Variants in CELF5 observed in about 807,000 individuals in gnomAD.
CELF5 encodes the protein CUGBP Elav-like family member 5, also known as CUG-BP and ETR-3 like factor 5.
A neutral mutation model predicts 54.9 loss-of-function variants in CELF5; 6 were observed. The observed-to-expected ratio is 0.11, with a 90% confidence interval of 0.06 to 0.22. The LOEUF is 0.22. Among genes scored for constraint, CELF5 ranks in the 10% least tolerant of loss-of-function variants. CELF5 has a pLI of 1.00. For synonymous variants in CELF5, 271 were observed against 290.9 expected, an observed-to-expected ratio of 0.93 and a Z score of 0.70; for missense variants, 401 against 678.6, an observed-to-expected ratio of 0.59 and a Z score of 4.54.
chr19:3,229,407 G>A (rs918957031), intron 1 of CELF5, among the ~76,000 whole-genome samples: 4 of 152,178 alleles, frequency 2.6e-5, no homozygotes, highest in Non-Finnish European at 5.9e-5. Flanking sequence ...GGCTTACAAG[G>A]CACCGAGCTC....
intron 2 of CELF5, among the ~76,000 whole-genome samples, chr19:3,269,189 T>C (rs969938052): frequency 2.8e-4 from 43 of 152,242 alleles, no homozygotes; most frequent in African/African-American, 1.0e-3. Context: ...TAAATCTCTT[T>C]TTTGAGACGG....
At position 3,279,734 on chromosome 19, in the gene CELF5, G is replaced by C. The variant is rs529660970; in HGVS notation, c.604-1465G>C. Among the ~76,000 whole-genome samples the C allele has an allele frequency of 2.6e-5, 4 of 152,070 alleles. No homozygotes were observed. In the South Asian group the frequency reaches 8.3e-4, roughly 32 times the overall value. On this transcript the variant is annotated intron_variant, in intron 5 of 12. Coordinates refer to ENST00000292672, the MANE Select transcript of CELF5 (RefSeq NM_021938.4). ...TTTTATTTTTTTGAGACAGAGTCTC[G>C]CTCTGTCGCCCAGGTTGGAGTGCAA...
chr19:3,286,626 A>C (rs1197777259), intron 10 of CELF5: 2 of 149,932 alleles, frequency 1.3e-5, no homozygotes, highest in African/African-American at 4.9e-5. Flanking sequence ...CCAGCTACTC[A>C]GGAGGCTGGA....
At chr19:3,266,409 T>C (rs370798132) in intron 2 of CELF5, among the ~76,000 whole-genome samples, 84 of 148,480 alleles carry the variant, frequency 5.7e-4, no homozygotes, top group African/African-American at 1.9e-3. Context: ...GGTGACAGAG[T>C]GAGACCCAGT....
At position 3,276,238 on chromosome 19, in the gene CELF5, A is replaced by G. The variant is rs1316437764; in HGVS notation, c.523+254A>G. Among the ~76,000 whole-genome samples the G allele has an allele frequency of 5.2e-3, 49 of 9,506 alleles. No homozygotes were observed. In the East Asian group the frequency reaches 0.1, roughly 20 times the overall value. The allele number at this position is 9,506 out of a possible 152,430, so 6.2% of individuals were successfully genotyped here. ...GCAGGGTGGGGAGGAGCTGCCTCTG[A>G]GGGCGGGGCCTGTGGGGCAGGGCCC... On this transcript the variant is annotated intron_variant, in intron 4 of 12. Transcript: ENST00000292672.
intron 8 of CELF5, among the ~76,000 whole-genome samples, chr19:3,284,332 C>G (rs2080198732): frequency 6.6e-6 from 1 of 152,172 alleles, no homozygotes; most frequent in Non-Finnish European, 1.5e-5. Flanking sequence ...CCACCACTAT[C>G]CCCTGCCCTC....
intron 1 of CELF5, among the ~76,000 whole-genome samples, chr19:3,226,232 G>C (rs578013284): frequency 6.6e-6 from 1 of 151,456 alleles, no homozygotes; most frequent in Non-Finnish European, 1.5e-5. Context: ...CTGCGTGCCC[G>C]GTAAGCATGA....
intron 1 of CELF5, among the ~76,000 whole-genome samples, chr19:3,230,074 ACACT>A (rs1024749857): frequency 7.2e-5 from 9 of 125,598 alleles, no homozygotes; most frequent in African/African-American, 2.8e-4. Context: ...TGGTAGGACC[ACACT>A]CATTCATTCA....
intron 1 of CELF5, among the ~76,000 whole-genome samples, chr19:3,237,031 G>A (rs1170123712): frequency 6.9e-6 from 1 of 145,660 alleles, no homozygotes; most frequent in Non-Finnish European, 1.5e-5. Context: ...TGGCTACTCC[G>A]GCCAGGCGTG....
At chr19:3,245,868 A>G (rs566378553) in intron 1 of CELF5, among the ~76,000 whole-genome samples, 5 of 152,342 alleles carry the variant, frequency 3.3e-5, no homozygotes, top group African/African-American at 7.2e-5. Context: ...TAAAATCTCA[A>G]TGAAATACAA....
In CELF5 at chr19:3,281,141, C is replaced by T; in HGVS notation, c.604-58C>T. ...CTGAGCTAACATGAATCCAGGGACC[C>T]CAGAGTCCTGGCTACCTCCCAGCCC... On this transcript the variant is annotated intron_variant, in intron 5 of 12. Coordinates refer to ENST00000292672, the MANE Select transcript of CELF5 (RefSeq NM_021938.4). The surrounding 1 kb of genome is among the most constrained non-coding windows in gnomAD (Gnocchi z 6.5). 1 of 1,572,076 alleles carries T rather than the reference C, an allele frequency of 6.4e-7. No homozygotes were observed.
intron 2 of CELF5, among the ~76,000 whole-genome samples, chr19:3,262,159 C>G (rs568500029): frequency 1.3e-5 from 2 of 151,994 alleles, no homozygotes; most frequent in South Asian, 2.1e-4. Flanking sequence ...CTCAGTCTCC[C>G]GAGTAGCTGG....
chr19:3,288,250 A>C (rs947012273), intron 10 of CELF5, among the ~76,000 whole-genome samples: 1 of 152,168 alleles, frequency 6.6e-6, no homozygotes, highest in Non-Finnish European at 1.5e-5. Context: ...GGCTGGGTGC[A>C]GTGGCTGACA....
chr19:3,255,739 C>T (rs1261324753), intron 2 of CELF5, among the ~76,000 whole-genome samples: 2 of 152,168 alleles, frequency 1.3e-5, no homozygotes, highest in African/African-American at 4.8e-5. Flanking sequence ...GTAACACTTT[C>T]TCCACCTAAC....
intron 2 of CELF5, among the ~76,000 whole-genome samples, chr19:3,256,998 G>T (rs1424580235): frequency 1.3e-5 from 2 of 152,048 alleles, no homozygotes; most frequent in African/African-American, 4.8e-5. Flanking sequence ...TGCAGAGATG[G>T]GGGTCTCACT....
At chr19:3,229,899 G>T (rs576281403) in intron 1 of CELF5, among the ~76,000 whole-genome samples, 2 of 152,166 alleles carry the variant, frequency 1.3e-5, no homozygotes, top group Non-Finnish European at 2.9e-5. Flanking sequence ...GAGCAGAGGG[G>T]CTTGGGAGCT....
chr19:3,263,776 G>T (rs1208744526), intron 2 of CELF5, among the ~76,000 whole-genome samples: 1 of 151,298 alleles, frequency 6.6e-6, no homozygotes, highest in East Asian at 2.0e-4. Flanking sequence ...GTGGTGGTGG[G>T]CACCTGTGAT....
intron 12 of CELF5, chr19:3,294,516 G>A (rs753564492): frequency 3.9e-5 from 6 of 151,998 alleles, no homozygotes; most frequent in Non-Finnish European, 7.3e-5. Flanking sequence ...ACCTTCTCCC[G>A]GGTCAGCACA....
chr19:3,251,884 A>G (rs1041699453), intron 2 of CELF5, among the ~76,000 whole-genome samples: 1 of 151,916 alleles, frequency 6.6e-6, no homozygotes, highest in African/African-American at 2.4e-5. Context: ...CATATTGGCC[A>G]GGCTGGTCTC....
Sources: gnomAD v4.1 joint callset for allele counts (sites outside exome capture counted in the v4.1 genomes callset) on GRCh38, gnomAD v4.1.1 for gene constraint, Gnocchi (gnomAD v3.1) non-coding constraint, MANE v1.5 for transcripts, NCBI Gene and HGNC (gene_info 2026-07-23, HGNC 2026-07-21) for gene names.